The following SLC35F1 variants were observed in gnomAD, a reference collection of about 807,000 sequenced individuals.
SLC35F1 encodes solute carrier family 35 member F1, also known as chromosome 6 open reading frame 169.
Under a neutral mutation model 48.7 loss-of-function variants are expected in SLC35F1, and 14 were observed. The observed-to-expected ratio is 0.29, with a 90% CI of 0.19 to 0.45. The LOEUF is 0.45. SLC35F1 is among the 20% of genes least tolerant of loss of function. SLC35F1 has a pLI of 1.00. For missense variants in SLC35F1, 404 were observed against 500.0 expected (o/e 0.81, Z 1.83); for synonymous variants, 190 against 202.2 (o/e 0.94, Z 0.51).
At chr6:118,040,629 A>C (rs918572155) in intron 1 of SLC35F1, among the ~76,000 whole-genome samples, 2 of 152,112 alleles carry the variant, frequency 1.3e-5, no homozygotes, top group Non-Finnish European at 2.9e-5. Context: ...TGCATAGGAT[A>C]GAATCTTAGA....
chr6:118,139,237 C>G (rs576330970), intron 1 of SLC35F1, among the ~76,000 whole-genome samples: 1 of 152,058 alleles, frequency 6.6e-6, no homozygotes, highest in South Asian at 2.1e-4. Flanking sequence ...CTCAGCCTCC[C>G]GAGTAGCTGG....
intron 1 of SLC35F1, 31 bp downstream of exon 1, chr6:117,907,930 G>T (rs1206277451): frequency 7.7e-7 from 1 of 1,301,774 alleles, no homozygotes; most frequent in African/African-American, 1.6e-5. Flanking sequence ...AGGGCGCGGG[G>T]GGCGGGGGCT....
intron 1 of SLC35F1, among the ~76,000 whole-genome samples, chr6:118,139,430 A>G (rs1248679774): frequency 6.6e-6 from 1 of 152,198 alleles, no homozygotes; most frequent in Non-Finnish European, 1.5e-5. Flanking sequence ...TGTCTTCTTT[A>G]TGGATAGTTC....
intron 1 of SLC35F1, among the ~76,000 whole-genome samples, chr6:117,935,969 C>A (rs1776157864): frequency 6.6e-6 from 1 of 152,212 alleles, no homozygotes; most frequent in African/African-American, 2.4e-5. Context: ...TTGAAAGTCA[C>A]CTTCTCTTTG....
chr6:118,113,996 C>T (rs1344676768), intron 1 of SLC35F1, among the ~76,000 whole-genome samples: 1 of 152,174 alleles, frequency 6.6e-6, no homozygotes, highest in African/African-American at 2.4e-5. Context: ...GATACATACA[C>T]AATACTGCAA....
chr6:117,990,368 C>T (rs1413633269), intron 1 of SLC35F1, among the ~76,000 whole-genome samples: 1 of 152,168 alleles, frequency 6.6e-6, no homozygotes, highest in African/African-American at 2.4e-5. Flanking sequence ...GCTGTGTTTG[C>T]ACCATATGCT....
At chr6:118,272,750 C>T (rs367686536) in intron 4 of SLC35F1, among the ~76,000 whole-genome samples, 4,870 of 121,534 alleles carry the variant, frequency 0.04, 378 homozygotes, top group African/African-American at 0.14. Flanking sequence ...TATATATATA[C>T]ATATATATAT....
At chr6:118,176,766 G>A (rs1443011588) in intron 2 of SLC35F1, among the ~76,000 whole-genome samples, 1 of 152,048 alleles carries the variant, frequency 6.6e-6, no homozygotes, top group African/African-American at 2.4e-5. Context: ...TTGGGAATAA[G>A]CACATCGTTT....
At chr6:118,049,149 C>T (rs886752740) in intron 1 of SLC35F1, among the ~76,000 whole-genome samples, 2 of 152,058 alleles carry the variant, frequency 1.3e-5, no homozygotes, top group Non-Finnish European at 2.9e-5. Context: ...GCTGGGAAAA[C>T]AGGCTAGCCA....
At chr6:117,914,089 T>TCTAC (rs757897708) in intron 1 of SLC35F1, among the ~76,000 whole-genome samples, 2 of 49,276 alleles carry the variant, frequency 4.1e-5, no homozygotes, top group Non-Finnish European at 9.0e-5. Context: ...AAGAATCCTA[T>TCTAC]CTATCTATCT....
intron 1 of SLC35F1, among the ~76,000 whole-genome samples, chr6:118,077,080 A>AC (rs1316195881): frequency 6.6e-6 from 1 of 152,214 alleles, no homozygotes; most frequent in East Asian, 1.9e-4. Context: ...TTAATCTTTG[A>AC]AGAACTTACA....
chr6:118,200,806 A>T (rs1774864669), intron 2 of SLC35F1, among the ~76,000 whole-genome samples: 1 of 152,172 alleles, frequency 6.6e-6, no homozygotes, highest in Non-Finnish European at 1.5e-5. Context: ...ACCCAAGATG[A>T]TAAAGATCCT....
At chr6:118,156,803 G>A (rs1774151247) in intron 2 of SLC35F1, among the ~76,000 whole-genome samples, 1 of 152,062 alleles carries the variant, frequency 6.6e-6, no homozygotes, top group African/African-American at 2.4e-5. Context: ...CTGCAAGATG[G>A]TACACTGTAT....
At position 118,314,360 on chromosome 6, in the gene SLC35F1, T is replaced by G; in HGVS notation, c.*108T>G. On this transcript the variant is annotated 3_prime_UTR_variant, in exon 8 of 8. Coordinates refer to ENST00000360388, the MANE Select transcript of SLC35F1 (RefSeq NM_001029858.4). Reference sequence around the variant, plus strand: ...ATTTACTAGGTGCAGTTTACACAGGTGGACTGCAAGGTAGCAAATCCTCCA... The same window carrying G: ...ATTTACTAGGTGCAGTTTACACAGGGGGACTGCAAGGTAGCAAATCCTCCA... The G allele has an allele frequency of 1.0e-6, 1 of 953,010 alleles. No individual in the cohort carries two copies. Among genetic ancestry groups the G allele is most frequent in the South Asian group, 1.6e-5 (1 of 64,436 alleles). 59.0% of individuals were successfully genotyped at this position (953,010 alleles called of 1,614,324 possible).
intron 1 of SLC35F1, among the ~76,000 whole-genome samples, chr6:118,009,945 T>C (rs1777223390): frequency 6.6e-6 from 1 of 152,170 alleles, no homozygotes. Context: ...ACAAGGAAAT[T>C]TGCATGCCAG....
chr6:117,972,014 G>T (rs955318826), intron 1 of SLC35F1, among the ~76,000 whole-genome samples: 4 of 152,130 alleles, frequency 2.6e-5, no homozygotes, highest in African/African-American at 9.7e-5. Flanking sequence ...CCAGAAAAAG[G>T]GTTTTTCTTT....
intron 2 of SLC35F1, among the ~76,000 whole-genome samples, chr6:118,171,846 T>G (rs1381960846): frequency 6.6e-6 from 1 of 152,176 alleles, no homozygotes; most frequent in Non-Finnish European, 1.5e-5. Flanking sequence ...TTCTTCTTTC[T>G]TTCATATAGT....
chr6:118,154,758 G>T, intron 2 of SLC35F1, 138 bp downstream of exon 2: 1 of 744,844 alleles, frequency 1.3e-6, no homozygotes, highest in Admixed American at 3.4e-5. Context: ...CTATTTTGCA[G>T]TAATACAGTA....
At chr6:118,292,828 A>C (rs907306991) in intron 7 of SLC35F1, among the ~76,000 whole-genome samples, 17 of 152,242 alleles carry the variant, frequency 1.1e-4, no homozygotes, top group Middle Eastern at 3.4e-3. Context: ...TGGGAAGCAA[A>C]TGACCTAATT....
Sources: allele counts gnomAD v4.1 joint callset (sites outside exome capture counted in the v4.1 genomes callset), GRCh38; gene constraint gnomAD v4.1.1; transcripts MANE v1.5; gene names NCBI Gene and HGNC (gene_info 2026-07-23, HGNC 2026-07-21).